The following ASPH variants were observed in gnomAD, a reference collection of about 807,000 sequenced individuals.
ASPH encodes aspartyl/asparaginyl beta-hydroxylase.
Under a neutral mutation model 118.4 loss-of-function variants are expected in ASPH, and 100 were observed. That is an observed-to-expected ratio of 0.84 (90% CI 0.72 to 1.00). ASPH has a LOEUF of 1.00. Ranked by LOEUF, ASPH falls within the 50% of genes least tolerant of loss-of-function variation. The pLI is 0.00. For synonymous variants in ASPH, 315 were observed against 325.6 expected (o/e 0.97, Z 0.35); for missense variants, 920 against 919.5 (o/e 1.00, Z -0.01).
intron 19 of ASPH, among the ~76,000 whole-genome samples, chr8:61,553,818 G>A (rs1052514381): frequency 6.6e-6 from 1 of 152,062 alleles, no homozygotes; most frequent in African/African-American, 2.4e-5. Flanking sequence ...AAAAGCAGAA[G>A]GACAAAAGTT....
chr8:61,536,991 G>A (rs1819861805), intron 21 of ASPH, among the ~76,000 whole-genome samples: 1 of 152,210 alleles, frequency 6.6e-6, no homozygotes, highest in South Asian at 2.1e-4. Flanking sequence ...AATGACTTTT[G>A]CTCGTTCTAG....
intron 1 of ASPH, among the ~76,000 whole-genome samples, chr8:61,710,652 G>T (rs887990658): frequency 6.6e-6 from 1 of 152,156 alleles, no homozygotes; most frequent in South Asian, 2.1e-4. Flanking sequence ...AATAGCTGAC[G>T]GTTCTTGCAG....
In ASPH at chr8:61,583,935, T is replaced by C. The variant is rs1361386249; in HGVS notation, c.1062+9A>G. 6.5e-7 allele frequency: 1 copy of C among 1,546,958 alleles called. No homozygotes were observed. The stretch of plus-strand genomic sequence containing the variant: ...CAACAAAACCATTGCACAAAAAATA[T>C]CAACCTACCCTTTTACGGAGTTTTT... On this transcript the variant is annotated intron_variant, in intron 15 of 24. Transcript: ENST00000379454.
rs781759491 is a variant in ASPH at position 61,523,320 on chromosome 8, CTTT to C, written c.1900+2654_1900+2656del. 5.1e-5 allele frequency among the ~76,000 whole-genome samples: 6 copies of C among 118,248 alleles called. No individual in the cohort carries two copies. The South Asian group carries it at 7.4e-4, about 15-fold the overall frequency. The allele number at this position is 118,248 out of a possible 152,430, so 77.6% of individuals were successfully genotyped here. ...CACTTATTATTTTCTTTCTTTCTTT[CTTT>C]TTTTTTTTTTTTTTGACAGTCTCGC... On this transcript the variant is annotated intron_variant, in intron 22 of 24. Coordinates refer to ENST00000379454, the MANE Select transcript of ASPH (RefSeq NM_004318.4).
At chr8:61,634,714 T>G (rs1421552699) in intron 12 of ASPH, among the ~76,000 whole-genome samples, 1 of 152,192 alleles carries the variant, frequency 6.6e-6, no homozygotes, top group Non-Finnish European at 1.5e-5. Context: ...TTGTTCTTAA[T>G]TATTTGGAGA....
chr8:61,558,956 A>T (rs1828855371), intron 18 of ASPH, among the ~76,000 whole-genome samples: 1 of 152,152 alleles, frequency 6.6e-6, no homozygotes, highest in Admixed American at 6.5e-5. Flanking sequence ...AACAGTGAGG[A>T]TGCAAACTTT....
intron 3 of ASPH, among the ~76,000 whole-genome samples, chr8:61,667,369 A>T (rs888018751): frequency 3.3e-5 from 5 of 150,876 alleles, no homozygotes; most frequent in African/African-American, 4.9e-5. Flanking sequence ...TAACTTATTT[A>T]TTATTATTAT....
chr8:61,645,184 T>C (rs1807303607), intron 6 of ASPH, among the ~76,000 whole-genome samples: 1 of 152,152 alleles, frequency 6.6e-6, no homozygotes. Flanking sequence ...AGAATAAATA[T>C]TTTTATTTTC....
At chr8:61,600,193 C>T (rs538782418) in intron 14 of ASPH, among the ~76,000 whole-genome samples, 2 of 152,202 alleles carry the variant, frequency 1.3e-5, no homozygotes, top group African/African-American at 4.8e-5. Flanking sequence ...AAATACAACA[C>T]ACTTCTGAAC....
chr8:61,578,760 G>T, intron 15 of ASPH: 3 of 1,593,586 alleles, frequency 1.9e-6, no homozygotes, highest in Admixed American at 3.3e-5. Flanking sequence ...CAAGTATGAG[G>T]ATGAGATCAA....
rs533198008 is a variant in ASPH at position 61,714,383 on chromosome 8, CG to C, written c.-13del. The stretch of plus-strand genomic sequence containing the variant: ...TTACGCTGGGCCATTGCACGGTCCG[CG>C]GGGGCTGGTGAGGGCTGGCGGACCT... On this transcript the variant is annotated 5_prime_UTR_variant, in exon 1 of 25. Coordinates refer to ENST00000379454, the MANE Select transcript of ASPH (RefSeq NM_004318.4). 2.2e-4 allele frequency: 327 copies of C among 1,499,896 alleles called. 1 individual carries two copies. In the African/African-American group the frequency reaches 4.0e-3, roughly 18 times the overall value. 92.9% of individuals were successfully genotyped at this position (1,499,896 alleles called of 1,614,324 possible).
At chr8:61,671,196 A>G (rs1292426021) in intron 3 of ASPH, among the ~76,000 whole-genome samples, 1 of 152,208 alleles carries the variant, frequency 6.6e-6, no homozygotes, top group Non-Finnish European at 1.5e-5. Context: ...CCACCTTTCT[A>G]TTCTTCCTAA....
chr8:61,634,434 G>C (rs1019330240), intron 12 of ASPH, among the ~76,000 whole-genome samples: 1 of 151,470 alleles, frequency 6.6e-6, no homozygotes, highest in Non-Finnish European at 1.5e-5. Flanking sequence ...TTTTTTAACA[G>C]TATTTTCTAA....
At chr8:61,539,172 C>T (rs1214970200) in intron 21 of ASPH, among the ~76,000 whole-genome samples, 7 of 152,138 alleles carry the variant, frequency 4.6e-5, no homozygotes, top group African/African-American at 9.7e-5. Context: ...ACCCGGAGGG[C>T]GGAGGTTGCA....
intron 21 of ASPH, among the ~76,000 whole-genome samples, chr8:61,539,699 G>GTGTGTGTGT (rs1554618408): frequency 3.2e-5 from 4 of 124,306 alleles, no homozygotes; most frequent in Admixed American, 2.6e-4. Context: ...ACACTTCTGG[G>GTGTGTGTGT]GTGTGTGTGT....
chr8:61,682,336 T>G, intron 2 of ASPH: 1 of 1,238,338 alleles, frequency 8.1e-7, no homozygotes, highest in Non-Finnish European at 1.1e-6. Flanking sequence ...AAATTGGTCC[T>G]ATCACTTATA....
At chr8:61,682,973 C>T (rs927624876) in intron 2 of ASPH, among the ~76,000 whole-genome samples, 9 of 152,050 alleles carry the variant, frequency 5.9e-5, no homozygotes, top group African/African-American at 2.2e-4. Flanking sequence ...ATGTCCATCA[C>T]TGATAAACAG....
At chr8:61,632,648 C>T (rs920224091) in intron 13 of ASPH, 3 of 495,166 alleles carry the variant, frequency 6.1e-6, no homozygotes, top group Non-Finnish European at 1.2e-5. Context: ...CAATTCCATT[C>T]TCTTAATCAA....
At chr8:61,602,973 A>T (rs1221633621) in intron 14 of ASPH, among the ~76,000 whole-genome samples, 1 of 152,066 alleles carries the variant, frequency 6.6e-6, no homozygotes, top group Non-Finnish European at 1.5e-5. Flanking sequence ...CGGGCAGATC[A>T]CTTGGGGTCA....
Sources: allele counts gnomAD v4.1 joint callset (sites outside exome capture counted in the v4.1 genomes callset), GRCh38; gene constraint gnomAD v4.1.1; transcripts MANE v1.5; gene names NCBI Gene and HGNC (gene_info 2026-07-23, HGNC 2026-07-21).